KIAA0319L: variants seen among roughly 807,000 people sequenced by gnomAD.
KIAA0319L encodes the protein KIAA0319 like.
In KIAA0319L, 55 loss-of-function variants were observed where a neutral mutation model predicts 120.1. The ratio of observed to expected loss-of-function variants is 0.46; its 90% confidence interval spans 0.37 to 0.57. KIAA0319L has a LOEUF of 0.57. Among genes scored for constraint, KIAA0319L ranks in the 20% least tolerant of loss-of-function variants. KIAA0319L has a pLI of 0.00. For synonymous variants in KIAA0319L, 398 were observed against 471.9 expected, an observed-to-expected ratio of 0.84 and a Z score of 2.03; for missense variants, 1,049 against 1,255.3, an observed-to-expected ratio of 0.84 and a Z score of 2.48.
intron 3 of KIAA0319L, among the ~76,000 whole-genome samples, chr1:35,480,796 A>G (rs1007884220): frequency 2.0e-5 from 3 of 152,300 alleles, no homozygotes. Context: ...AAAAAAAAAA[A>G]ATCAAATTGG....
intron 10 of KIAA0319L, among the ~76,000 whole-genome samples, chr1:35,455,542 C>G (rs544318056): frequency 1.1e-4 from 16 of 151,284 alleles, no homozygotes; most frequent in Middle Eastern, 3.4e-3. Flanking sequence ...CATTTCTCAG[C>G]CTTTTCCTCT....
In KIAA0319L at chr1:35,497,687, G is replaced by A. The variant is rs559903946; in HGVS notation, c.666+8925C>T. On this transcript the variant is annotated intron_variant, in intron 3 of 20. Transcript: ENST00000325722. ...AGAAGAACAAGTATTCCATGTGGGT[G>A]GAATGGAAAGGAGAAAGGAGTAACA... is the stretch of plus-strand genomic sequence containing the variant. Among the ~76,000 whole-genome samples, 5 of 152,228 alleles carry A rather than the reference G, an allele frequency of 3.3e-5. No individual in the cohort carries two copies. The East Asian group carries it at 9.7e-4, about 29-fold the overall frequency.
At position 35,451,774 on chromosome 1, in the gene KIAA0319L, C is replaced by T. The variant is rs1344570882; in HGVS notation, c.1916G>A (p.Gly639Glu). ...ATTCTCGAGCTGCACCCCATCAGGT[C>T]CCCTGCAAAAAAAGAAACTAGAGGG... is the stretch of plus-strand genomic sequence containing the variant. Reference protein sequence around the residue: ...IISYLWEKTQGPDGVQLENAN... With the variant: ...IISYLWEKTQEPDGVQLENAN... Residue 639 changes from glycine (G) to glutamate (E), a missense_variant and splice_region_variant, in exon 13 of 21, where the codon GGA (glycine) becomes GAA (glutamate). Coordinates refer to ENST00000325722, the MANE Select transcript of KIAA0319L (RefSeq NM_024874.5). 1 of 1,612,592 alleles carries T rather than the reference C, an allele frequency of 6.2e-7. No homozygotes were observed. The highest frequency in any genetic ancestry group is 8.5e-7 in the Non-Finnish European group (1 of 1,179,514).
intron 3 of KIAA0319L, among the ~76,000 whole-genome samples, chr1:35,502,811 A>C (rs1198860258): frequency 6.6e-6 from 1 of 152,012 alleles, no homozygotes; most frequent in Non-Finnish European, 1.5e-5. Context: ...TTCTCATACT[A>C]TCTCTCATCA....
chr1:35,436,853 C>CT (rs992523949), intron 20 of KIAA0319L, among the ~76,000 whole-genome samples: 13 of 152,176 alleles, frequency 8.5e-5, no homozygotes, highest in Non-Finnish European at 1.6e-4. Context: ...CACACATCCT[C>CT]TTTCCCCCCA....
chr1:35,477,499 CT>C (rs1413234890), intron 4 of KIAA0319L, among the ~76,000 whole-genome samples: 2 of 152,008 alleles, frequency 1.3e-5, no homozygotes, highest in Non-Finnish European at 2.9e-5. Context: ...AACCGCATCT[CT>C]ACTAAAAATA....
intron 3 of KIAA0319L, among the ~76,000 whole-genome samples, chr1:35,479,567 A>T (rs1644057412): frequency 6.6e-6 from 1 of 152,180 alleles, no homozygotes; most frequent in Non-Finnish European, 1.5e-5. Flanking sequence ...TCCAAAATAT[A>T]AATAAAACTA....
intron 9 of KIAA0319L, among the ~76,000 whole-genome samples, chr1:35,457,358 A>G (rs977022924): frequency 6.6e-6 from 1 of 152,152 alleles, no homozygotes; most frequent in African/African-American, 2.4e-5. Flanking sequence ...TTTACACATC[A>G]CAACGATGGA....
chr1:35,515,686 GA>G (rs1255921348), intron 2 of KIAA0319L, among the ~76,000 whole-genome samples: 1 of 151,882 alleles, frequency 6.6e-6, no homozygotes, highest in Non-Finnish European at 1.5e-5. Context: ...GCTAGTAGAA[GA>G]CAAGAAATAA....
At chr1:35,485,534 C>CAAAA (rs1644355756) in intron 3 of KIAA0319L, among the ~76,000 whole-genome samples, 1 of 152,230 alleles carries the variant, frequency 6.6e-6, no homozygotes, top group African/African-American at 2.4e-5. Flanking sequence ...CCTGCACATG[C>CAAAA]AGGTAACTTC....
At chr1:35,468,285 T>A (rs1447999697) in intron 6 of KIAA0319L, among the ~76,000 whole-genome samples, 1 of 152,150 alleles carries the variant, frequency 6.6e-6, no homozygotes, top group African/African-American at 2.4e-5. Context: ...CTTCATTTCC[T>A]TCAGTTTCCT....
In KIAA0319L at chr1:35,454,442, CCTT is replaced by C. The variant is rs1642292203; in HGVS notation, c.1697_1699del (p.Glu566del). The C allele has an allele frequency of 3.1e-6, 5 of 1,614,014 alleles. No homozygotes were observed. Among genetic ancestry groups the C allele is most frequent in the African/African-American group, 1.3e-5 (1 of 75,030 alleles). ...CACTGTGAGCTGGTAAGTGTAGTCT[CCTT>C]CTTGCATCGCAGAGAGCTGTAAGGT... On this transcript the variant is annotated inframe_deletion, in exon 11 of 21. Coordinates refer to ENST00000325722, the MANE Select transcript of KIAA0319L (RefSeq NM_024874.5).
intron 17 of KIAA0319L, 129 bp downstream of exon 17, chr1:35,444,032 G>A (rs1396917866): frequency 5.2e-6 from 4 of 767,920 alleles, no homozygotes; most frequent in Non-Finnish European, 8.0e-6. Context: ...CATGGTAATA[G>A]TAGTGCAAGA....
chr1:35,548,351 C>T (rs1015327067), intron 2 of KIAA0319L, among the ~76,000 whole-genome samples: 1 of 152,022 alleles, frequency 6.6e-6, no homozygotes, highest in Non-Finnish European at 1.5e-5. Context: ...TCCACAATTA[C>T]CACTTTTCTA....
At position 35,506,762 on chromosome 1, in the gene KIAA0319L, A is replaced by T; in HGVS notation, c.516T>A (p.Pro172=). ...TCTGCTGGTCACTGGAAGATACAGC[A>T]GGTCTGAGTGCAGCTCTGGGTGGGC... The part of the protein sequence containing the change: ...RQSPPRAALR[P]AVSSSDQQSL... Residue 172 remains proline, a synonymous_variant, in exon 3 of 21, where the codon CCT becomes CCA. Coordinates refer to ENST00000325722, the MANE Select transcript of KIAA0319L (RefSeq NM_024874.5). This position sits in a 1 kb window ranked among gnomAD's most constrained non-coding sequence, Gnocchi z 4.0. 6.2e-7 allele frequency: 1 copy of T among 1,614,206 alleles called. No homozygotes were observed. The highest frequency in any genetic ancestry group is 8.5e-7 in the Non-Finnish European group (1 of 1,180,036).
chr1:35,541,991 G>T (rs1036973692), intron 2 of KIAA0319L, among the ~76,000 whole-genome samples: 1 of 152,174 alleles, frequency 6.6e-6, no homozygotes, highest in African/African-American at 2.4e-5. Context: ...ATGAATGGAG[G>T]CCTACTTTCC....
chr1:35,454,486 C>A lies in KIAA0319L; in HGVS notation c.1657-1G>T. On this transcript the variant is annotated splice_acceptor_variant, in intron 10 of 20. Transcript: ENST00000325722. LOFTEE classifies it high-confidence loss of function. ...GCTGTAAGGTTGGTGTTCTAACACC[C>A]TACAAATACAAATACAGAAGTGGAA... 1.5e-5 allele frequency: 25 copies of A among 1,613,486 alleles called. No individual in the cohort carries two copies. Among genetic ancestry groups the A allele is most frequent in the Non-Finnish European group, 2.0e-5 (24 of 1,179,600 alleles).
intron 8 of KIAA0319L, among the ~76,000 whole-genome samples, chr1:35,461,401 G>C (rs1375164828): frequency 1.3e-5 from 2 of 152,200 alleles, no homozygotes; most frequent in African/African-American, 4.8e-5. Context: ...AGGAGGTGGA[G>C]GTTGCAGTGA....
chr1:35,512,871 CAAAAA>C (rs746942793), intron 2 of KIAA0319L, among the ~76,000 whole-genome samples: 1 of 48,390 alleles, frequency 2.1e-5, no homozygotes, highest in African/African-American at 5.7e-5. Flanking sequence ...GACTCCATCT[CAAAAA>C]AAAAAAAAAA....
Sources: gnomAD v4.1 joint callset for allele counts (sites outside exome capture counted in the v4.1 genomes callset) on GRCh38, gnomAD v4.1.1 for gene constraint, Gnocchi (gnomAD v3.1) non-coding constraint, MANE v1.5 for transcripts, NCBI Gene and HGNC (gene_info 2026-07-23, HGNC 2026-07-21) for gene names.